FANCL: variants seen among roughly 807,000 people sequenced by gnomAD.
The protein encoded by FANCL is FA complementation group L.
Under a neutral mutation model 59.4 loss-of-function variants are expected in FANCL, and 69 were observed. The observed-to-expected ratio is 1.16, with a 90% CI of 0.96 to 1.42. The LOEUF is 1.42. Ranked by LOEUF, FANCL falls within the 40% of genes most tolerant of loss-of-function variation. FANCL has a pLI of 0.00. For synonymous variants in FANCL, 180 were observed against 147.1 expected, an observed-to-expected ratio of 1.22 and a Z score of -1.62; for missense variants, 519 against 447.2, an observed-to-expected ratio of 1.16 and a Z score of -1.45.
At chr2:58,225,576 C>T (rs926338927) in intron 4 of FANCL, among the ~76,000 whole-genome samples, 3 of 151,916 alleles carry the variant, frequency 2.0e-5, no homozygotes, top group Admixed American at 2.0e-4. Flanking sequence ...TTTACTAAAA[C>T]AGGAACCAAG....
intron 5 of FANCL, among the ~76,000 whole-genome samples, chr2:58,209,549 A>G (rs1194305647): frequency 1.3e-5 from 2 of 152,178 alleles, no homozygotes; most frequent in African/African-American, 4.8e-5. Flanking sequence ...TAATTAAGTC[A>G]TAACACTAAT....
chr2:58,218,608 C>A (rs1198879491), intron 5 of FANCL, among the ~76,000 whole-genome samples: 2 of 150,416 alleles, frequency 1.3e-5, no homozygotes, highest in African/African-American at 4.9e-5. Flanking sequence ...ATGAGTGAAG[C>A]CTATAAAGGC....
intron 5 of FANCL, among the ~76,000 whole-genome samples, chr2:58,220,157 G>A (rs988221030): frequency 6.6e-6 from 1 of 152,222 alleles, no homozygotes; most frequent in African/African-American, 2.4e-5. Context: ...GTTGAAATCC[G>A]AGGCTGTAAT....
intron 7 of FANCL, among the ~76,000 whole-genome samples, chr2:58,188,156 G>GA (rs1277885849): frequency 6.6e-6 from 1 of 152,126 alleles, no homozygotes; most frequent in Non-Finnish European, 1.5e-5. Context: ...ACCATGTGTT[G>GA]AAAGACTGTC....
intron 2 of FANCL, among the ~76,000 whole-genome samples, chr2:58,230,574 T>C (rs184213118): frequency 3.3e-5 from 5 of 152,300 alleles, no homozygotes; most frequent in South Asian, 4.1e-4. Flanking sequence ...GTAACTCTTC[T>C]AAGGAATTAC....
chr2:58,237,978 T>C (rs964679502), intron 1 of FANCL, among the ~76,000 whole-genome samples: 1 of 152,190 alleles, frequency 6.6e-6, no homozygotes, highest in African/African-American at 2.4e-5. Context: ...ATCCATGTGG[T>C]GAGGAACTAA....
chr2:58,170,986 G>T lies in FANCL; in HGVS notation c.541-5112C>A, dbSNP rs148851845. Among the ~76,000 whole-genome samples, 1,081 of 152,156 alleles carry T rather than the reference G, an allele frequency of 7.1e-3. 8 individuals carry two copies. Among genetic ancestry groups the T allele is most frequent in the Non-Finnish European group, 0.011 (764 of 68,014 alleles). ...GATCAACGAGACACAAAATTAACAA[G>T]GATATTCAGGAGTTGAACTCAGCTC... On this transcript the variant is annotated intron_variant, in intron 7 of 13. Transcript: ENST00000233741.
chr2:58,241,346 T>C (rs569352488), upstream of FANCL: 6 of 1,597,888 alleles, frequency 3.8e-6, no homozygotes, highest in East Asian at 6.7e-5. Context: ...AGAAAAGCTC[T>C]AGACCTGCTG....
chr2:58,196,076 T>C lies in FANCL; in HGVS notation c.540+2518A>G, dbSNP rs181723539. ...TAATATAAAGTATTTAAAATAAATA[T>C]AGTAGACAAACATAAGATTATGGCT... is the stretch of plus-strand genomic sequence containing the variant. On this transcript the variant is annotated intron_variant, in intron 7 of 13. Transcript: ENST00000233741. Among the ~76,000 whole-genome samples the C allele has an allele frequency of 7.0e-4, 107 of 152,206 alleles. 1 individual carries two copies. Among genetic ancestry groups the C allele is most frequent in the Admixed American group, 4.7e-3 (71 of 15,268 alleles).
At chr2:58,177,894 AT>A (rs1687517594) in intron 7 of FANCL, among the ~76,000 whole-genome samples, 2 of 152,092 alleles carry the variant, frequency 1.3e-5, no homozygotes, top group Non-Finnish European at 2.9e-5. Flanking sequence ...CAATAAAAAA[AT>A]GATGAAGGGG....
chr2:58,184,661 T>C (rs1573617828), intron 7 of FANCL, among the ~76,000 whole-genome samples: 1 of 152,134 alleles, frequency 6.6e-6, no homozygotes, highest in South Asian at 2.1e-4. Context: ...CCCTTAAACA[T>C]ACATACATAA....
At chr2:58,168,825 G>A (rs1321996653) in intron 7 of FANCL, among the ~76,000 whole-genome samples, 1 of 152,120 alleles carries the variant, frequency 6.6e-6, no homozygotes, top group Non-Finnish European at 1.5e-5. Flanking sequence ...TGTATACAAT[G>A]CCACGAGGAA....
At chr2:58,193,081 T>C (rs545706125) in intron 7 of FANCL, among the ~76,000 whole-genome samples, 1 of 152,172 alleles carries the variant, frequency 6.6e-6, no homozygotes, top group South Asian at 2.1e-4. Flanking sequence ...AAATCATTGC[T>C]ACTTTACTGA....
chr2:58,191,949 A>G (rs891489745), intron 7 of FANCL, among the ~76,000 whole-genome samples: 9 of 151,992 alleles, frequency 5.9e-5, no homozygotes, highest in African/African-American at 2.2e-4. Context: ...TAATTTACAC[A>G]AGGTCATGCA....
chr2:58,187,578 A>G (rs1165112708), intron 7 of FANCL, among the ~76,000 whole-genome samples: 1 of 152,172 alleles, frequency 6.6e-6, no homozygotes, highest in Non-Finnish European at 1.5e-5. Context: ...TAAAAAAAAA[A>G]AAGTGTTGCA....
chr2:58,198,470 G>A, intron 7 of FANCL, 124 bp downstream of exon 7: 1 of 708,716 alleles, frequency 1.4e-6, no homozygotes. Flanking sequence ...TAAGAGATTT[G>A]GGTATGCATG....
At chr2:58,187,930 TGAC>T (rs1366538847) in intron 7 of FANCL, among the ~76,000 whole-genome samples, 7 of 152,316 alleles carry the variant, frequency 4.6e-5, no homozygotes, top group South Asian at 4.1e-4. Flanking sequence ...TTAATTTTGA[TGAC>T]GACCAATTTA....
chr2:58,219,262 G>A (rs1244636830), intron 5 of FANCL, among the ~76,000 whole-genome samples: 1 of 137,026 alleles, frequency 7.3e-6, no homozygotes. Context: ...AGCTCTCAAT[G>A]GCCAAAGCTA....
chr2:58,229,848 G>C lies in FANCL; in HGVS notation c.182C>G (p.Thr61Arg), dbSNP rs1315405264. The change falls in exon 3 of 14, where the codon ACA becomes AGA. Residue 61 changes from threonine to arginine, a missense_variant. By Grantham distance (71) the Thr-to-Arg change is moderately conservative. Coordinates refer to ENST00000233741, the MANE Select transcript of FANCL (RefSeq NM_018062.4). ...TATTCGATGGTATCCACTAAGTATT[G>C]TTCTCAGCTGCCAACTACATAATAA... is the stretch of plus-strand genomic sequence containing the variant. Reference protein sequence around the residue: ...ARLLCSWQLRTILSGYHRIVQ... With the variant: ...ARLLCSWQLRRILSGYHRIVQ... The C allele has an allele frequency of 1.1e-5, 17 of 1,610,608 alleles. No homozygotes were observed. The highest frequency in any genetic ancestry group is 2.7e-5 in the African/African-American group (2 of 74,840).
Sources: allele counts gnomAD v4.1 joint callset (sites outside exome capture counted in the v4.1 genomes callset), GRCh38; gene constraint gnomAD v4.1.1; transcripts MANE v1.5; gene names NCBI Gene and HGNC (gene_info 2026-07-23, HGNC 2026-07-21).